Variants in CCDC148 observed in about 807,000 individuals in gnomAD.
CCDC148 encodes coiled-coil domain containing 148.
CCDC148 carries 89 observed loss-of-function variants against 85.7 expected under a neutral mutation model. The observed-to-expected ratio is 1.04, with a 90% CI of 0.87 to 1.24. CCDC148 has a LOEUF of 1.24. Ranked by LOEUF, CCDC148 falls within the 50% of genes most tolerant of loss-of-function variation. The probability of loss-of-function intolerance (pLI) is 0.00; values close to 1 mark genes in which losing one functional copy is unlikely to be tolerated. For synonymous variants in CCDC148, 230 were observed against 213.9 expected (o/e 1.08, Z -0.66); for missense variants, 692 against 671.7 (o/e 1.03, Z -0.33).
In CCDC148 at chr2:158,250,802, T is replaced by C; in HGVS notation, c.1221A>G (p.Glu407=). 1 of 1,594,228 alleles carries C rather than the reference T, an allele frequency of 6.3e-7. No individual in the cohort carries two copies. Among genetic ancestry groups the C allele is most frequent in the Non-Finnish European group, 8.5e-7 (1 of 1,171,844 alleles). Residue 407 remains glutamate, a synonymous_variant, in exon 10 of 14, where the codon GAA becomes GAG. Transcript: ENST00000283233. ...TTTTCTTCTCTGCTCTTTGCAACAATTCCTTCTTCTTCCACAGTTTCTCTT... is the reference window on the plus strand; with the variant it reads ...TTTTCTTCTCTGCTCTTTGCAACAACTCCTTCTTCTTCCACAGTTTCTCTT... ...EEKEKLWKKK[E]LLQRAEKKKK...
At chr2:158,399,855 T>C (rs1685697360) in intron 1 of CCDC148, among the ~76,000 whole-genome samples, 1 of 152,122 alleles carries the variant, frequency 6.6e-6, no homozygotes, top group South Asian at 2.1e-4. Context: ...GCAGATGACA[T>C]GATTGTATAT....
chr2:158,380,283 C>T (rs988281463), intron 1 of CCDC148, among the ~76,000 whole-genome samples: 5 of 152,070 alleles, frequency 3.3e-5, no homozygotes, highest in Non-Finnish European at 7.4e-5. Flanking sequence ...GATACCCATA[C>T]AATGCAAGGT....
chr2:158,381,677 A>G (rs1267146796), intron 1 of CCDC148, among the ~76,000 whole-genome samples: 1 of 152,160 alleles, frequency 6.6e-6, no homozygotes, highest in Non-Finnish European at 1.5e-5. Flanking sequence ...CCAGTAACAC[A>G]TGTTAGAAAT....
intron 11 of CCDC148, among the ~76,000 whole-genome samples, chr2:158,189,230 C>T (rs1685304753): frequency 6.6e-6 from 1 of 151,848 alleles, no homozygotes; most frequent in Admixed American, 6.6e-5. Context: ...GTCACTGAGG[C>T]AAGACTCATG....
chr2:158,281,041 G>A (rs188305266), intron 9 of CCDC148, among the ~76,000 whole-genome samples: 6 of 152,148 alleles, frequency 3.9e-5, no homozygotes, highest in African/African-American at 1.4e-4. Flanking sequence ...GGTACATAAC[G>A]AAATGGAGTC....
At chr2:158,235,805 G>A (rs1294597106) in intron 10 of CCDC148, 1 of 152,182 alleles carries the variant, frequency 6.6e-6, no homozygotes, top group Non-Finnish European at 1.5e-5. Context: ...AGGAGGGTGG[G>A]AATGCAGGGC....
chr2:158,355,533 G>A (rs1377430091), intron 2 of CCDC148, among the ~76,000 whole-genome samples: 1 of 145,330 alleles, frequency 6.9e-6, no homozygotes, highest in Non-Finnish European at 1.5e-5. Flanking sequence ...GGATGTGAAG[G>A]ACCTCTTCAA....
intron 11 of CCDC148, among the ~76,000 whole-genome samples, chr2:158,215,835 C>T (rs75610260): frequency 0.022 from 3,398 of 152,220 alleles, 49 homozygotes; most frequent in East Asian, 0.067. Context: ...ATGTAGCCCT[C>T]ACGGTGGGAG....
At chr2:158,339,884 T>C (rs1173449445) in intron 5 of CCDC148, among the ~76,000 whole-genome samples, 1 of 152,146 alleles carries the variant, frequency 6.6e-6, no homozygotes, top group Non-Finnish European at 1.5e-5. Context: ...TATAGGTGGA[T>C]AGAAGGACTT....
chr2:158,352,428 T>C (rs1053876471), intron 2 of CCDC148, among the ~76,000 whole-genome samples: 8 of 152,060 alleles, frequency 5.3e-5, no homozygotes, highest in Admixed American at 4.6e-4. Flanking sequence ...ACGTGAAGAA[T>C]GCAGAAGCCT....
chr2:158,369,756 A>G (rs948094550), intron 1 of CCDC148, among the ~76,000 whole-genome samples: 1 of 152,264 alleles, frequency 6.6e-6, no homozygotes, highest in Middle Eastern at 3.4e-3. Context: ...GCCAGTTTTC[A>G]AGGGGAATCC....
intron 1 of CCDC148, among the ~76,000 whole-genome samples, chr2:158,379,306 C>T (rs1308327048): frequency 6.6e-6 from 1 of 152,112 alleles, no homozygotes; most frequent in Non-Finnish European, 1.5e-5. Context: ...TGAATTGCTG[C>T]AATCTCATGA....
chr2:158,378,617 G>A (rs1036921578), intron 1 of CCDC148, among the ~76,000 whole-genome samples: 1 of 152,124 alleles, frequency 6.6e-6, no homozygotes, highest in Admixed American at 6.6e-5. Flanking sequence ...AGATTCAAAG[G>A]ACAGGCTGAC....
chr2:158,452,403 C>T (rs1688440983), intron 1 of CCDC148, among the ~76,000 whole-genome samples: 1 of 152,118 alleles, frequency 6.6e-6, no homozygotes, highest in South Asian at 2.1e-4. Flanking sequence ...GAGAGGCAGA[C>T]AACTTTATAA....
chr2:158,236,925 G>A (rs775535656), intron 10 of CCDC148, among the ~76,000 whole-genome samples: 6 of 152,114 alleles, frequency 3.9e-5, no homozygotes, highest in South Asian at 2.1e-4. Context: ...AATAGATGTC[G>A]GGAGTGACAA....
chr2:158,425,632 T>G (rs1687041779), intron 1 of CCDC148, among the ~76,000 whole-genome samples: 1 of 152,204 alleles, frequency 6.6e-6, no homozygotes, highest in Non-Finnish European at 1.5e-5. Flanking sequence ...AATATAATTT[T>G]AAATAAGCAA....
intron 3 of CCDC148, among the ~76,000 whole-genome samples, chr2:158,343,914 C>T (rs912772974): frequency 1.1e-4 from 16 of 152,130 alleles, no homozygotes; most frequent in Admixed American, 5.9e-4. Context: ...GTGTTCCTCA[C>T]TTCCATTTTC....
intron 11 of CCDC148, among the ~76,000 whole-genome samples, chr2:158,192,508 T>C (rs1439114547): frequency 6.6e-6 from 1 of 152,100 alleles, no homozygotes; most frequent in Non-Finnish European, 1.5e-5. Context: ...TATGAAATTT[T>C]ATTTTAATAA....
chr2:158,218,110 G>A (rs963043600), intron 11 of CCDC148, among the ~76,000 whole-genome samples: 4 of 152,096 alleles, frequency 2.6e-5, no homozygotes, highest in African/African-American at 9.7e-5. Flanking sequence ...TAAATATCCT[G>A]ATATTTTAAA....
Sources: allele counts gnomAD v4.1 joint callset (sites outside exome capture counted in the v4.1 genomes callset), GRCh38; gene constraint gnomAD v4.1.1; transcripts MANE v1.5; gene names NCBI Gene and HGNC (gene_info 2026-07-23, HGNC 2026-07-21).